Variants in DAB1 observed in about 807,000 individuals in gnomAD.
DAB1 encodes the protein DAB adaptor protein 1.
DAB1 carries 15 observed loss-of-function variants against 64.6 expected under a neutral mutation model. The ratio of observed to expected loss-of-function variants is 0.23; its 90% CI spans 0.16 to 0.36. The LOEUF (loss-of-function observed/expected upper bound fraction) is 0.36. Ranked by LOEUF, DAB1 falls within the 10% of genes least tolerant of loss-of-function variation. DAB1 has a pLI of 1.00. For missense variants in DAB1, 596 were observed against 706.7 expected (o/e 0.84, Z 1.78); for synonymous variants, 235 against 251.9 (o/e 0.93, Z 0.64).
chr1:57,461,464 C>T (rs1335399838), intron 7 of DAB1, among the ~76,000 whole-genome samples: 5 of 152,210 alleles, frequency 3.3e-5, no homozygotes. Context: ...CACCCCTCCT[C>T]CCTCCATCTG....
intron 2 of DAB1, among the ~76,000 whole-genome samples, chr1:57,223,380 AAGTCCTCCCTTCTAG>A (rs1667029223): frequency 1.3e-5 from 2 of 152,152 alleles, no homozygotes; most frequent in South Asian, 4.1e-4. Flanking sequence ...TATGCAGCCC[AAGTCCTCCCTTCTAG>A]AGTTCTAGAG....
chr1:57,033,171 TACACACAC>T (rs141683665), intron 9 of DAB1, among the ~76,000 whole-genome samples: 5 of 149,362 alleles, frequency 3.3e-5, no homozygotes, highest in Admixed American at 2.0e-4. Flanking sequence ...CACTTTTGTT[TACACACAC>T]ACACACACAC....
intron 5 of DAB1, among the ~76,000 whole-genome samples, chr1:57,916,943 C>CAA (rs144859309): frequency 4.4e-5 from 6 of 135,680 alleles, no homozygotes; most frequent in South Asian, 2.4e-4. Context: ...AACTCTGTCT[C>CAA]AAAAAAAAAA....
At chr1:58,008,443 C>G (rs1334448978) in intron 5 of DAB1, among the ~76,000 whole-genome samples, 1 of 152,024 alleles carries the variant, frequency 6.6e-6, no homozygotes, top group Non-Finnish European at 1.5e-5. Context: ...AAGAAGGAGG[C>G]AGGTGACCTA....
At chr1:57,235,714 G>GA (rs10633827) in intron 2 of DAB1, among the ~76,000 whole-genome samples, 5,701 of 150,316 alleles carry the variant, frequency 0.038, 348 homozygotes, top group African/African-American at 0.13. Context: ...CTTTAAAAAA[G>GA]AAAAAAAAAC....
chr1:57,459,417 A>AT (rs1044577653), intron 7 of DAB1, among the ~76,000 whole-genome samples: 10 of 152,178 alleles, frequency 6.6e-5, no homozygotes, highest in African/African-American at 2.4e-4. Flanking sequence ...CTCTGTTCTT[A>AT]TTTTTTATAA....
intron 2 of DAB1, among the ~76,000 whole-genome samples, chr1:57,170,145 T>A (rs1472642452): frequency 6.6e-6 from 1 of 151,906 alleles, no homozygotes; most frequent in Non-Finnish European, 1.5e-5. Flanking sequence ...TACAGGTGCA[T>A]GCCACCACAC....
At chr1:58,417,435 T>C (rs574690291) in intron 3 of DAB1, among the ~76,000 whole-genome samples, 15 of 152,336 alleles carry the variant, frequency 9.8e-5, no homozygotes, top group Admixed American at 3.9e-4. Flanking sequence ...GAGAATCTGG[T>C]TGCCTAGTTT....
chr1:57,397,558 C>T (rs1339479294), intron 1 of DAB1, among the ~76,000 whole-genome samples: 2 of 152,184 alleles, frequency 1.3e-5, no homozygotes, highest in African/African-American at 2.4e-5. Context: ...GGAGCTAAGT[C>T]AGAAAAGAGA....
At chr1:58,189,665 C>T (rs1657279666) in intron 4 of DAB1, among the ~76,000 whole-genome samples, 1 of 152,238 alleles carries the variant, frequency 6.6e-6, no homozygotes. Flanking sequence ...ACACCAATGG[C>T]CTGTGCCCTT....
intron 1 of DAB1, among the ~76,000 whole-genome samples, chr1:57,399,341 CA>C (rs1683058165): frequency 6.6e-6 from 1 of 152,086 alleles, no homozygotes; most frequent in Admixed American, 6.6e-5. Context: ...TGAATAAGAC[CA>C]TAACATGATA....
chr1:57,984,180 AAAAAAAAG>A (rs1646136527), intron 5 of DAB1, among the ~76,000 whole-genome samples: 2 of 52,452 alleles, frequency 3.8e-5, no homozygotes, highest in African/African-American at 5.3e-5. Flanking sequence ...GGACTAGCTT[AAAAAAAAG>A]AAAGAAAGAA....
At chr1:58,172,946 T>C (rs1321773489) in intron 4 of DAB1, among the ~76,000 whole-genome samples, 2 of 152,220 alleles carry the variant, frequency 1.3e-5, no homozygotes, top group East Asian at 1.9e-4. Flanking sequence ...CCCCATTAAA[T>C]ACCACAAGGA....
At chr1:57,734,414 T>C (rs554408911) in intron 6 of DAB1, among the ~76,000 whole-genome samples, 87 of 152,272 alleles carry the variant, frequency 5.7e-4, no homozygotes, top group African/African-American at 1.9e-3. Context: ...AAAGGTAATA[T>C]ATAGAGAAAA....
chr1:58,239,922 T>A (rs925377411), intron 4 of DAB1, among the ~76,000 whole-genome samples: 2 of 152,196 alleles, frequency 1.3e-5, no homozygotes, highest in Non-Finnish European at 2.9e-5. Context: ...TCAAGCTAAA[T>A]TCTCTTCCCT....
At chr1:57,569,987 A>C (rs574641151) in intron 7 of DAB1, among the ~76,000 whole-genome samples, 1 of 152,260 alleles carries the variant, frequency 6.6e-6, no homozygotes, top group African/African-American at 2.4e-5. Context: ...TATGGGTTCA[A>C]GTTGACAAGG....
At chr1:57,856,298 C>G (rs1034172076) in intron 1 of DAB1, among the ~76,000 whole-genome samples, 2 of 152,126 alleles carry the variant, frequency 1.3e-5, no homozygotes, top group African/African-American at 4.8e-5. Context: ...GCCACTGTGC[C>G]TCTATTAGAG....
intron 4 of DAB1, among the ~76,000 whole-genome samples, chr1:58,308,973 G>C (rs1220113268): frequency 1.3e-5 from 2 of 152,184 alleles, no homozygotes; most frequent in African/African-American, 2.4e-5. Context: ...ACCTCAAAGA[G>C]TAGCTGAAGG....
At chr1:57,243,843 G>A (rs2100489110) in intron 2 of DAB1, among the ~76,000 whole-genome samples, 2 of 152,230 alleles carry the variant, frequency 1.3e-5, no homozygotes, top group East Asian at 3.9e-4. Context: ...AGTTATCATG[G>A]AGGCAAATTA....
Sources: gnomAD v4.1 joint callset for allele counts (sites outside exome capture counted in the v4.1 genomes callset) on GRCh38, gnomAD v4.1.1 for gene constraint, MANE v1.5 for transcripts, NCBI Gene and HGNC (gene_info 2026-07-23, HGNC 2026-07-21) for gene names.